Variants in NELL1 observed in about 807,000 individuals in gnomAD.
NELL1 encodes protein kinase C-binding protein NELL1.
NELL1 carries 76 observed loss-of-function variants against 107.4 expected under a neutral mutation model. The observed-to-expected ratio is 0.71, with a 90% CI of 0.59 to 0.86. The LOEUF is 0.86. Ranked by LOEUF, NELL1 falls within the 40% of genes least tolerant of loss-of-function variation. The pLI, the probability that NELL1 is intolerant of heterozygous loss-of-function variation, is 0.00. For synonymous variants in NELL1, 353 were observed against 341.2 expected (o/e 1.03, Z -0.38); for missense variants, 1,024 against 1,005.5 (o/e 1.02, Z -0.25).
Position 20,987,148 on chromosome 11 carries a change from G to A in NELL1, c.1300+26588G>A, listed in dbSNP as rs377053517. Among the ~76,000 whole-genome samples, 12 of 151,986 alleles carry A rather than the reference G, an allele frequency of 7.9e-5. No individual in the cohort carries two copies. The East Asian group carries it at 1.9e-3, about 24-fold the overall frequency. On this transcript the variant is annotated intron_variant, in intron 12 of 19. Transcript: ENST00000357134. ...AACATTGCCTAATTCTATTGAAAAA[G>A]GCCAAAGCCATTTTAACTTGGGTAG...
intron 15 of NELL1, among the ~76,000 whole-genome samples, chr11:21,530,087 A>G (rs796583533): frequency 1.4e-4 from 22 of 152,270 alleles, no homozygotes; most frequent in African/African-American, 5.1e-4. Flanking sequence ...TGCTTAGTAT[A>G]TGGGGCAAAT....
intron 13 of NELL1, among the ~76,000 whole-genome samples, chr11:21,139,428 C>T (rs1323255116): frequency 6.6e-6 from 1 of 152,184 alleles, no homozygotes; most frequent in African/African-American, 2.4e-5. Flanking sequence ...GCTTCCCTGG[C>T]CATCTTTCCA....
At chr11:20,995,338 T>C (rs1852066313) in intron 12 of NELL1, among the ~76,000 whole-genome samples, 1 of 152,032 alleles carries the variant, frequency 6.6e-6, no homozygotes, top group Non-Finnish European at 1.5e-5. Flanking sequence ...TCCCAGCACT[T>C]TGGGAGGCTG....
chr11:21,261,438 C>G lies in NELL1; in HGVS notation c.1549+31984C>G, dbSNP rs372236396. Among the ~76,000 whole-genome samples the G allele has an allele frequency of 5.1e-4, 78 of 151,574 alleles. 3 individuals are homozygous for G. The highest frequency in any genetic ancestry group is 1.8e-3 in the African/African-American group (75 of 41,398). ...TATTTCTTTTATTATTTAGATGGACCTAAAATACCCTCAAATATTCCATTT... is the reference window on the plus strand; with the variant it reads ...TATTTCTTTTATTATTTAGATGGACGTAAAATACCCTCAAATATTCCATTT... On this transcript the variant is annotated intron_variant, in intron 14 of 19. Coordinates refer to ENST00000357134, the MANE Select transcript of NELL1 (RefSeq NM_006157.5).
chr11:21,045,254 G>T (rs1265520254), intron 12 of NELL1, among the ~76,000 whole-genome samples: 2 of 152,076 alleles, frequency 1.3e-5, no homozygotes, highest in Non-Finnish European at 2.9e-5. Flanking sequence ...TAGGTGAGAT[G>T]GTTGGAGCTA....
intron 13 of NELL1, among the ~76,000 whole-genome samples, chr11:21,225,256 A>C (rs755895666): frequency 5.3e-5 from 8 of 152,086 alleles, no homozygotes; most frequent in Non-Finnish European, 1.2e-4. Flanking sequence ...GATCCAGGGG[A>C]GTGCAAAGGA....
intron 15 of NELL1, among the ~76,000 whole-genome samples, chr11:21,380,856 A>T (rs1851590455): frequency 6.6e-6 from 1 of 152,078 alleles, no homozygotes; most frequent in Non-Finnish European, 1.5e-5. Flanking sequence ...TAGTATACTG[A>T]AAAGAGTACT....
chr11:21,288,402 T>A lies in NELL1; in HGVS notation c.1549+58948T>A, dbSNP rs151112848. ...TAGCCTTTATCAGTTTACTGTGCTT[T>A]GTTTACAATTCTGGTGTTATAAAAA... On this transcript the variant is annotated intron_variant, in intron 14 of 19. Transcript: ENST00000357134. 2.9e-4 allele frequency among the ~76,000 whole-genome samples: 44 copies of A among 152,340 alleles called. No homozygotes were observed. In the East Asian group the frequency reaches 8.1e-3, roughly 28 times the overall value.
chr11:21,134,887 C>T (rs1855709619), intron 13 of NELL1, among the ~76,000 whole-genome samples: 1 of 152,184 alleles, frequency 6.6e-6, no homozygotes, highest in Non-Finnish European at 1.5e-5. Context: ...AATTACTTAA[C>T]TTTGCTGAAG....
intron 15 of NELL1, among the ~76,000 whole-genome samples, chr11:21,425,771 G>A (rs1269967917): frequency 6.6e-6 from 1 of 152,156 alleles, no homozygotes; most frequent in Non-Finnish European, 1.5e-5. Flanking sequence ...CAAAGATAAA[G>A]ATATTTTTGA....
At chr11:21,506,487 G>A (rs926594104) in intron 15 of NELL1, among the ~76,000 whole-genome samples, 7 of 152,114 alleles carry the variant, frequency 4.6e-5, no homozygotes, top group Admixed American at 3.9e-4. Flanking sequence ...TAAGAATATT[G>A]AAGTAGAATC....
intron 5 of NELL1, among the ~76,000 whole-genome samples, chr11:20,917,915 T>C (rs1850291533): frequency 6.6e-6 from 1 of 152,012 alleles, no homozygotes; most frequent in Non-Finnish European, 1.5e-5. Flanking sequence ...ATCAGTGCTT[T>C]TTACTGATGT....
In NELL1 at chr11:20,674,713, T is replaced by C. The variant is rs1854007039; in HGVS notation, c.56-3219T>C. ...GTTTAGTGTTGTTTCCACAATACTT[T>C]CTGGATTGAGGGCACTGTGTTCTCA... On this transcript the variant is annotated intron_variant, in intron 1 of 19. Coordinates refer to ENST00000357134, the MANE Select transcript of NELL1 (RefSeq NM_006157.5). 9.5e-6 allele frequency: 6 copies of C among 629,254 alleles called. 1 individual carries two copies. In the Admixed American group the frequency reaches 1.1e-4, roughly 11 times the overall value. The allele number at this position is 629,254 out of a possible 1,614,324, so 39.0% of individuals were successfully genotyped here.
intron 13 of NELL1, among the ~76,000 whole-genome samples, chr11:21,146,277 T>A (rs1855976873): frequency 1.4e-5 from 2 of 141,852 alleles, no homozygotes; most frequent in African/African-American, 5.3e-5. Context: ...AAATGACCAA[T>A]GATAAAGGGC....
intron 4 of NELL1, among the ~76,000 whole-genome samples, chr11:20,876,728 A>G (rs930628125): frequency 1.3e-5 from 2 of 152,224 alleles, no homozygotes; most frequent in Admixed American, 6.5e-5. Flanking sequence ...GCGCCACTGC[A>G]CTACAGCCTG....
At chr11:21,478,623 G>T (rs1854408541) in intron 15 of NELL1, among the ~76,000 whole-genome samples, 1 of 151,376 alleles carries the variant, frequency 6.6e-6, no homozygotes, top group African/African-American at 2.4e-5. Context: ...CCTGGGCAAA[G>T]ATTTCTTGAG....
At chr11:20,697,325 A>G (rs996067902) in intron 2 of NELL1, among the ~76,000 whole-genome samples, 1 of 151,088 alleles carries the variant, frequency 6.6e-6, no homozygotes, top group African/African-American at 2.4e-5. Flanking sequence ...AGTTGGGAGG[A>G]TGTGTCATCG....
intron 16 of NELL1, among the ~76,000 whole-genome samples, chr11:21,552,881 G>A (rs1856625099): frequency 6.6e-6 from 1 of 151,770 alleles, no homozygotes; most frequent in East Asian, 1.9e-4. Flanking sequence ...CTAGGGCATA[G>A]TTTTTGGAAA....
intron 12 of NELL1, among the ~76,000 whole-genome samples, chr11:21,051,962 G>A (rs1853503703): frequency 6.6e-6 from 1 of 152,122 alleles, no homozygotes; most frequent in African/African-American, 2.4e-5. Flanking sequence ...GATGACAAGT[G>A]TGGATGAGAA....
Sources: allele counts gnomAD v4.1 joint callset (sites outside exome capture counted in the v4.1 genomes callset), GRCh38; gene constraint gnomAD v4.1.1; transcripts MANE v1.5; gene names NCBI Gene and HGNC (gene_info 2026-07-23, HGNC 2026-07-21).